The following SNX25 variants were observed in gnomAD, a reference collection of about 807,000 sequenced individuals.
SNX25 encodes sorting nexin-25.
In SNX25, 62 loss-of-function variants were observed where a neutral mutation model predicts 113.7. That is an observed-to-expected ratio of 0.55 (90% CI 0.44 to 0.67). The LOEUF (loss-of-function observed/expected upper bound fraction) is 0.67. Among genes scored for constraint, SNX25 ranks in the 30% least tolerant of loss-of-function variants. SNX25 has a pLI of 0.00. For synonymous variants in SNX25, 421 were observed against 436.2 expected (o/e 0.97, Z 0.43); for missense variants, 1,014 against 1,161.0 (o/e 0.87, Z 1.84).
intron 6 of SNX25, among the ~76,000 whole-genome samples, chr4:185,288,673 G>A (rs1386159946): frequency 6.6e-6 from 1 of 151,956 alleles, no homozygotes; most frequent in Non-Finnish European, 1.5e-5. Flanking sequence ...TTCTCTTCCA[G>A]TGAAGTAAGA....
chr4:185,216,610 C>G (rs1008570672), intron 1 of SNX25, among the ~76,000 whole-genome samples: 2 of 141,694 alleles, frequency 1.4e-5, no homozygotes, highest in African/African-American at 5.4e-5. Flanking sequence ...ACTTCTGTTT[C>G]CTGGGTTCAA....
chr4:185,294,102 G>A (rs527391237), intron 6 of SNX25, among the ~76,000 whole-genome samples: 1 of 152,232 alleles, frequency 6.6e-6, no homozygotes, highest in East Asian at 1.9e-4. Context: ...TGATAGTGCT[G>A]GTGCGATCCG....
chr4:185,345,589 G>T (rs1156326920), intron 12 of SNX25, among the ~76,000 whole-genome samples: 1 of 152,086 alleles, frequency 6.6e-6, no homozygotes. Context: ...GTATCCAGGA[G>T]TTTGAGACTG....
chr4:185,244,658 CTT>C (rs1184966111), intron 1 of SNX25, among the ~76,000 whole-genome samples: 2 of 151,952 alleles, frequency 1.3e-5, no homozygotes, highest in Non-Finnish European at 2.9e-5. Flanking sequence ...CATTAAATGT[CTT>C]TGTCTATATA....
chr4:185,234,930 A>G (rs1206400794), intron 1 of SNX25, among the ~76,000 whole-genome samples: 1 of 152,236 alleles, frequency 6.6e-6, no homozygotes, highest in Non-Finnish European at 1.5e-5. Flanking sequence ...AGCTTCATTT[A>G]TTCTGGGTTT....
At chr4:185,209,078 C>T (rs959231673), upstream of SNX25, among the ~76,000 whole-genome samples, 4 of 152,166 alleles carry the variant, frequency 2.6e-5, no homozygotes, top group African/African-American at 9.7e-5. This position sits in a 1 kb window ranked among gnomAD's most constrained non-coding sequence, Gnocchi z 5.2. Context: ...TGCACCAGGC[C>T]GACTTCTTTG....
At chr4:185,332,515 G>A (rs1040985982) in intron 9 of SNX25, 80 bp from the exon 10 acceptor site, 10 of 1,323,224 alleles carry the variant, frequency 7.6e-6, no homozygotes, top group Middle Eastern at 4.6e-4. Context: ...GTAGTATTTT[G>A]CAACAGGGTA....
downstream of SNX25, chr4:185,370,704 C>T (rs1202491954): frequency 6.2e-7 from 1 of 1,613,940 alleles, no homozygotes; most frequent in Admixed American, 1.7e-5. Context: ...CTGAAGACAC[C>T]TTGCGTGGTA....
chr4:185,252,751 G>T (rs184848188), intron 2 of SNX25, among the ~76,000 whole-genome samples: 13 of 152,260 alleles, frequency 8.5e-5, no homozygotes, highest in Non-Finnish European at 1.2e-4. Flanking sequence ...AGTCTTTACA[G>T]ATTGAATTAC....
At chr4:185,373,915 T>C (rs1289472061), downstream of SNX25, among the ~76,000 whole-genome samples, 1 of 152,186 alleles carries the variant, frequency 6.6e-6, no homozygotes, top group Non-Finnish European at 1.5e-5. Context: ...TACTATAGTA[T>C]ACAAAATACT....
At chr4:185,378,514 T>C in the SNX25 span, 5 of 1,068,800 alleles carry the variant, frequency 4.7e-6, no homozygotes, top group African/African-American at 1.7e-5. Flanking sequence ...CCAGCACAAG[T>C]GTTGCCACTT....
chr4:185,303,474 G>A (rs772215243), intron 6 of SNX25, among the ~76,000 whole-genome samples: 42 of 151,702 alleles, frequency 2.8e-4, no homozygotes, highest in Non-Finnish European at 5.2e-4. Context: ...CCTGGCTTAC[G>A]CAGTGAAACC....
chr4:185,351,477 T>C lies in SNX25; in HGVS notation c.2334T>C (p.Ser778=), dbSNP rs200967356. The C allele has an allele frequency of 2.6e-4, 424 of 1,614,194 alleles. 2 individuals carry two copies. The Middle Eastern group carries it at 3.8e-3, about 14-fold the overall frequency. Residue 778 remains serine, a synonymous_variant, in exon 14 of 19, where the codon AGT becomes AGC. Transcript: ENST00000652585. The stretch of plus-strand genomic sequence containing the variant: ...TTTCAGATGAAAGACTGTGTCAGAG[T>C]GAAGCACTTTATGCCTTCTTGAGCC... The part of the protein sequence containing the change: ...NLLSDERLCQ[S]EALYAFLSPS...
intron 7 of SNX25, among the ~76,000 whole-genome samples, chr4:185,319,025 G>T (rs961774297): frequency 6.6e-6 from 1 of 151,414 alleles, no homozygotes; most frequent in Non-Finnish European, 1.5e-5. Flanking sequence ...TTTTTGTTTG[G>T]AACACGTGGA....
At chr4:185,339,330 C>A in intron 10 of SNX25, 49 bp from the exon 11 acceptor site, 1 of 1,572,532 alleles carries the variant, frequency 6.4e-7, no homozygotes, top group Non-Finnish European at 8.7e-7. Flanking sequence ...TGCTGAATTG[C>A]ATAGTTTTAA....
intron 11 of SNX25, 58 bp downstream of exon 11, chr4:185,339,568 G>A: frequency 6.4e-7 from 1 of 1,567,312 alleles, no homozygotes; most frequent in Non-Finnish European, 8.6e-7. Flanking sequence ...TATTAAAAAA[G>A]ATTTTATCCT....
At chr4:185,258,129 G>C (rs1251099926) in intron 2 of SNX25, among the ~76,000 whole-genome samples, 1 of 152,152 alleles carries the variant, frequency 6.6e-6, no homozygotes, top group Non-Finnish European at 1.5e-5. Context: ...TTTACCCTTG[G>C]GTTGAGATCC....
chr4:185,338,796 A>AT (rs2095245561), intron 10 of SNX25, among the ~76,000 whole-genome samples: 1 of 152,068 alleles, frequency 6.6e-6, no homozygotes, highest in African/African-American at 2.4e-5. Context: ...TTTACCATAT[A>AT]TTATTTCTGG....
At chr4:185,314,940 C>A (rs542254610) in intron 7 of SNX25, among the ~76,000 whole-genome samples, 1 of 146,202 alleles carries the variant, frequency 6.8e-6, no homozygotes, top group Admixed American at 6.8e-5. Context: ...TAATCTAAAA[C>A]CTTCCCGGCT....
Sources: gnomAD v4.1 joint callset for allele counts (sites outside exome capture counted in the v4.1 genomes callset) on GRCh38, gnomAD v4.1.1 for gene constraint, Gnocchi (gnomAD v3.1) non-coding constraint, MANE v1.5 for transcripts, NCBI Gene and HGNC (gene_info 2026-07-23, HGNC 2026-07-21) for gene names.